Variants in KLHL5 observed in about 807,000 individuals in gnomAD.
KLHL5 encodes kelch like family member 5.
In KLHL5, 48 loss-of-function variants were observed where a neutral mutation model predicts 77.7. The ratio of observed to expected loss-of-function variants is 0.62; its 90% confidence interval spans 0.49 to 0.79. The LOEUF (loss-of-function observed/expected upper bound fraction) is 0.79, where lower values mean the gene tolerates loss of function less well. Ranked by LOEUF, KLHL5 falls within the 30% of genes least tolerant of loss-of-function variation. KLHL5 has a pLI of 0.00. For missense variants in KLHL5, 723 were observed against 859.7 expected (o/e 0.84, Z 1.99); for synonymous variants, 260 against 297.0 (o/e 0.88, Z 1.28).
the KLHL5 span, among the ~76,000 whole-genome samples, chr4:39,140,292 G>A: frequency 3.9e-4 from 59 of 152,200 alleles, no homozygotes; most frequent in Admixed American, 9.8e-4. Context: ...GAATCCTTTC[G>A]CTATAAAGGA....
rs1211852072 is a variant in KLHL5, at chr4:39,081,450, AAAATGTTAATATAAAAATT to A, written c.703+217_703+235del. ...TAATTAAGTTTTTGAATGGCCCTTTAAAATGTTAATATAAAAATTAAATGAATTACATAGTGTCAAATTT... is the reference window on the plus strand; with the variant it reads ...TAATTAAGTTTTTGAATGGCCCTTTAAAATGAATTACATAGTGTCAAATTT... On this transcript the variant is annotated intron_variant, in intron 3 of 10. Coordinates refer to ENST00000504108, the MANE Select transcript of KLHL5 (RefSeq NM_015990.5). This position sits in a 1 kb window ranked among gnomAD's most constrained non-coding sequence, Gnocchi z 4.3. 3.9e-5 allele frequency among the ~76,000 whole-genome samples: 6 copies of A among 152,218 alleles called. No individual in the cohort carries two copies. The highest frequency in any genetic ancestry group is 1.4e-4 in the African/African-American group (6 of 41,448).
intron 5 of KLHL5, among the ~76,000 whole-genome samples, chr4:39,091,425 T>G (rs1267148405): frequency 6.6e-6 from 1 of 150,590 alleles, no homozygotes; most frequent in Non-Finnish European, 1.5e-5. Flanking sequence ...TTGAAAGCAT[T>G]CCAAACATTT....
intron 10 of KLHL5, among the ~76,000 whole-genome samples, chr4:39,117,294 G>C (rs529277587): frequency 4.6e-5 from 7 of 152,048 alleles, no homozygotes; most frequent in Non-Finnish European, 7.4e-5. Context: ...GCAAGACTCT[G>C]TCTCTTAAAA....
rs1473308028 is a variant in KLHL5 at position 39,062,949 on chromosome 4, T to C, written c.297T>C (p.Asp99=). Residue 99 remains aspartate (D), a synonymous_variant, in exon 1 of 11, where the codon GAT becomes GAC. Coordinates refer to ENST00000504108, the MANE Select transcript of KLHL5 (RefSeq NM_015990.5). ...CTGCATTTGAGTTTACAGCAGAAGA[T>C]TGTGGCGGTGCACATTGGCTGGATA... ...EVPAFEFTAE[D]CGGAHWLDRP... 3.1e-6 allele frequency: 5 copies of C among 1,614,066 alleles called. No homozygotes were observed. The Admixed American group carries it at 5.0e-5, about 16-fold the overall frequency.
chr4:39,092,690 T>C (rs1720694328), intron 5 of KLHL5, among the ~76,000 whole-genome samples: 1 of 152,218 alleles, frequency 6.6e-6, no homozygotes, highest in Non-Finnish European at 1.5e-5. Flanking sequence ...TATGCAGTGC[T>C]AGTTTCCAAA....
At chr4:39,052,742 G>C (rs1023857022) in intron 1 of KLHL5, among the ~76,000 whole-genome samples, 1 of 152,150 alleles carries the variant, frequency 6.6e-6, no homozygotes, top group African/African-American at 2.4e-5. Flanking sequence ...CAGAAAGAAG[G>C]AATACTCAAG....
At chr4:39,050,171 A>C (rs1026038811) in intron 1 of KLHL5, among the ~76,000 whole-genome samples, 1 of 152,204 alleles carries the variant, frequency 6.6e-6, no homozygotes, top group Non-Finnish European at 1.5e-5. Context: ...CATCATTTAC[A>C]GTATGTAAAT....
chr4:39,091,317 G>A lies in KLHL5; in HGVS notation c.1113+4590G>A, dbSNP rs1380876617. The stretch of plus-strand genomic sequence containing the variant: ...TTTTTAAATTTTTTTGTGGAGAAAG[G>A]GTCTCACCATGTTGCCCTGAGTGGT... On this transcript the variant is annotated intron_variant, in intron 5 of 10. Transcript: ENST00000504108. 3.3e-5 allele frequency among the ~76,000 whole-genome samples: 5 copies of A among 151,758 alleles called. No homozygotes were observed. In the South Asian group the frequency reaches 8.3e-4, roughly 25 times the overall value.
At chr4:39,089,348 C>G (rs1720315599) in intron 5 of KLHL5, among the ~76,000 whole-genome samples, 1 of 152,108 alleles carries the variant, frequency 6.6e-6, no homozygotes, top group Non-Finnish European at 1.5e-5. Context: ...AGAGCTAATT[C>G]AGGGAATGGG....
intron 6 of KLHL5, 54 bp downstream of exon 6, chr4:39,096,932 A>G (rs577473198): frequency 5.7e-5 from 80 of 1,403,768 alleles, no homozygotes; most frequent in Middle Eastern, 1.8e-4. Context: ...AGATATTTTA[A>G]TAAGTGTATA....
chr4:39,050,938 C>T (rs1716593247), intron 1 of KLHL5, among the ~76,000 whole-genome samples: 1 of 152,240 alleles, frequency 6.6e-6, no homozygotes, highest in Non-Finnish European at 1.5e-5. Context: ...CCTTCTTCCT[C>T]TCCCAGGGTA....
At chr4:39,069,467 TATATATAC>T (rs1358999977) in intron 1 of KLHL5, among the ~76,000 whole-genome samples, 1,098 of 62,196 alleles carry the variant, frequency 0.018, 3 homozygotes, top group Middle Eastern at 0.029. Context: ...TATATATATA[TATATATAC>T]ACACACACAC....
Position 39,115,671 on chromosome 4 carries a change from A to G in KLHL5, c.2073+341A>G. The stretch of plus-strand genomic sequence containing the variant: ...GAAAATAAAAACAAGGATAGTAGTC[A>G]GAAAACTTTGAACAACTTGCCCATG... On this transcript the variant is annotated intron_variant, in intron 10 of 10. Coordinates refer to ENST00000504108, the MANE Select transcript of KLHL5 (RefSeq NM_015990.5). 3 of 1,285,646 alleles carry G rather than the reference A, an allele frequency of 2.3e-6. No homozygotes were observed. The African/African-American group carries it at 4.6e-5, about 20-fold the overall frequency. 79.6% of individuals were successfully genotyped at this position (1,285,646 alleles called of 1,614,324 possible). A position where few individuals can be genotyped will look rare whatever the true frequency, so the allele number is the denominator to read the frequency against.
rs769362939 is a variant in KLHL5, at chr4:39,125,232, T to A, written c.*4166T>A. Among the ~76,000 whole-genome samples, 29 of 151,738 alleles carry A rather than the reference T, an allele frequency of 1.9e-4. No homozygotes were observed. Among genetic ancestry groups the A allele is most frequent in the Non-Finnish European group, 8.9e-5 (6 of 67,726 alleles). On this transcript the variant is annotated 3_prime_UTR_variant, in exon 11 of 11. Transcript: ENST00000504108. ...TGGAGAAATTGAAAACCTTCATTCG[T>A]TGTTGGTGGGAATGTTAAATGGTGT...
intron 6 of KLHL5, among the ~76,000 whole-genome samples, chr4:39,097,151 ATAT>A (rs551878627): frequency 6.0e-4 from 91 of 152,356 alleles, no homozygotes; most frequent in African/African-American, 2.1e-3. Context: ...TAATAGTAAA[ATAT>A]TATAACCTAT....
intron 1 of KLHL5, among the ~76,000 whole-genome samples, chr4:39,050,944 G>C (rs1455153937): frequency 6.6e-6 from 1 of 152,152 alleles, no homozygotes; most frequent in Non-Finnish European, 1.5e-5. Context: ...TCCTCTCCCA[G>C]GGTAAGGATT....
intron 4 of KLHL5, among the ~76,000 whole-genome samples, chr4:39,083,062 T>A (rs1719755587): frequency 6.6e-6 from 1 of 152,156 alleles, no homozygotes; most frequent in African/African-American, 2.4e-5. Context: ...ATATTACCAA[T>A]TTTATCAACA....
At chr4:39,136,321 G>A in the KLHL5 span, among the ~76,000 whole-genome samples, 1 of 152,044 alleles carries the variant, frequency 6.6e-6, no homozygotes, top group Non-Finnish European at 1.5e-5. Context: ...CACCAAGTCT[G>A]GCTAATTTTT....
intron 1 of KLHL5, among the ~76,000 whole-genome samples, chr4:39,064,840 G>T (rs1273010759): frequency 6.6e-6 from 1 of 151,750 alleles, no homozygotes; most frequent in Admixed American, 6.6e-5. Flanking sequence ...TCATTTATAG[G>T]AGATATAAAA....
Sources: gnomAD v4.1 joint callset for allele counts (sites outside exome capture counted in the v4.1 genomes callset) on GRCh38, gnomAD v4.1.1 for gene constraint, Gnocchi (gnomAD v3.1) non-coding constraint, MANE v1.5 for transcripts, NCBI Gene and HGNC (gene_info 2026-07-23, HGNC 2026-07-21) for gene names.